The following DPH6 variants were observed in gnomAD, a reference collection of about 807,000 sequenced individuals.
DPH6 encodes the protein diphthine--ammonia ligase.
A neutral mutation model predicts 38.2 loss-of-function variants in DPH6; 33 were observed. The observed-to-expected ratio is 0.86, with a 90% CI of 0.65 to 1.15. The LOEUF is 1.15. Ranked by LOEUF, DPH6 falls within the 50% of genes most tolerant of loss-of-function variation. The pLI, the probability that DPH6 is intolerant of heterozygous loss-of-function variation, is 0.00. For missense variants in DPH6, 325 were observed against 320.0 expected (o/e 1.02, Z -0.12); for synonymous variants, 108 against 103.0 (o/e 1.05, Z -0.30).
At chr15:35,344,819 G>C (rs759899539) in intron 3 of DPH6, among the ~76,000 whole-genome samples, 14 of 151,670 alleles carry the variant, frequency 9.2e-5, no homozygotes, top group Non-Finnish European at 1.3e-4. Flanking sequence ...GCAAATACTA[G>C]TTCTTATCTT....
rs150354625 is a variant in DPH6 at position 35,356,850 on chromosome 15, T to C, written n.207+16671A>G. 3.5e-3 allele frequency among the ~76,000 whole-genome samples: 534 copies of C among 152,278 alleles called. 3 individuals are homozygous for C. The highest frequency in any genetic ancestry group is 0.012 in the African/African-American group (494 of 41,564). On this transcript the variant is annotated intron_variant and non_coding_transcript_variant, in intron 3 of 3. Transcript: ENST00000558973. ...TTTAAAACTGCAGAGGTTTCTGCTGTCTTTTGTTTGGCTATGCCCTGCCCC... is the reference window on the plus strand; with the variant it reads ...TTTAAAACTGCAGAGGTTTCTGCTGCCTTTTGTTTGGCTATGCCCTGCCCC...
intron 3 of DPH6, among the ~76,000 whole-genome samples, chr15:35,231,247 G>T (rs75687131): frequency 0.011 from 1,711 of 152,352 alleles, 35 homozygotes; most frequent in African/African-American, 0.04. Context: ...CCTTGGGTGG[G>T]TGTCAACTGA....
intron 3 of DPH6, among the ~76,000 whole-genome samples, chr15:35,475,830 A>C (rs1265182897): frequency 6.6e-6 from 1 of 151,810 alleles, no homozygotes; most frequent in Non-Finnish European, 1.5e-5. Context: ...GTAAATATAA[A>C]CAAAAAATTA....
intron 3 of DPH6, among the ~76,000 whole-genome samples, chr15:35,232,731 G>A (rs1435120266): frequency 6.6e-6 from 1 of 152,168 alleles, no homozygotes; most frequent in Non-Finnish European, 1.5e-5. Context: ...AAATAAAAAA[G>A]ATTGATAGGT....
chr15:35,436,902 G>C (rs1468968382), intron 5 of DPH6, among the ~76,000 whole-genome samples: 1 of 151,380 alleles, frequency 6.6e-6, no homozygotes, highest in Non-Finnish European at 1.5e-5. Context: ...CTTCTCCTTA[G>C]CATTTGGCTT....
At chr15:35,157,930 A>G in the DPH6 span, among the ~76,000 whole-genome samples, 21 of 152,098 alleles carry the variant, frequency 1.4e-4, no homozygotes, top group Non-Finnish European at 1.9e-4. Context: ...GAAGGATTCT[A>G]AAACAACCCA....
chr15:35,168,321 A>T, the DPH6 span, among the ~76,000 whole-genome samples: 1 of 151,986 alleles, frequency 6.6e-6, no homozygotes, highest in Non-Finnish European at 1.5e-5. Context: ...TTGAAAAGAG[A>T]AGAGAATATC....
At position 35,451,923 on chromosome 15, in the gene DPH6, T is replaced by C. The variant is rs547240410; in HGVS notation, c.387-1120A>G. Among the ~76,000 whole-genome samples, 89 of 152,248 alleles carry C rather than the reference T, an allele frequency of 5.8e-4. No individual in the cohort carries two copies. In the South Asian group the frequency reaches 0.017, roughly 30 times the overall value. On this transcript the variant is annotated intron_variant, in intron 4 of 8. Transcript: ENST00000256538. The stretch of plus-strand genomic sequence containing the variant: ...TACTCGGGAGGCTGAGGCAGGAGAA[T>C]GGCGTGAACCTGGGAGGCGGAGCTT...
intron 3 of DPH6, among the ~76,000 whole-genome samples, chr15:35,292,711 C>T (rs145151311): frequency 2.3e-3 from 349 of 152,092 alleles, no homozygotes; most frequent in African/African-American, 8.2e-3. Flanking sequence ...ACAGAAAATG[C>T]ATATTTTTAA....
At chr15:35,165,107 T>G in the DPH6 span, among the ~76,000 whole-genome samples, 1 of 151,902 alleles carries the variant, frequency 6.6e-6, no homozygotes, top group Admixed American at 6.6e-5. Context: ...TTCTTCTAGA[T>G]TAATATTTAG....
At chr15:35,497,029 T>C (rs928046885) in intron 3 of DPH6, among the ~76,000 whole-genome samples, 2 of 152,188 alleles carry the variant, frequency 1.3e-5, no homozygotes, top group African/African-American at 2.4e-5. Context: ...TCAGTTTAAA[T>C]TCATTGTCAT....
intron 3 of DPH6, among the ~76,000 whole-genome samples, chr15:35,266,700 T>G (rs764353269): frequency 6.6e-6 from 1 of 152,188 alleles, no homozygotes. Flanking sequence ...ATTTTAACAG[T>G]ACCACATAGA....
chr15:35,401,273 A>G, intron 6 of DPH6: 1 of 922,272 alleles, frequency 1.1e-6, no homozygotes, highest in Non-Finnish European at 1.8e-6. Flanking sequence ...GGTTGTGGAG[A>G]CAGTTTCGGT....
At chr15:35,404,358 G>A (rs888911340) in intron 6 of DPH6, among the ~76,000 whole-genome samples, 1 of 152,072 alleles carries the variant, frequency 6.6e-6, no homozygotes, top group East Asian at 1.9e-4. Context: ...GCATATGAGG[G>A]TTCCCTTTTC....
At chr15:35,402,922 TATATC>T (rs1207765284) in intron 6 of DPH6, among the ~76,000 whole-genome samples, 11 of 152,084 alleles carry the variant, frequency 7.2e-5, no homozygotes, top group African/African-American at 1.7e-4. Context: ...TCATTATGCA[TATATC>T]ATAAGTAAAT....
intron 2 of DPH6, among the ~76,000 whole-genome samples, chr15:35,541,634 C>T (rs1811130136): frequency 6.6e-6 from 1 of 152,072 alleles, no homozygotes; most frequent in Non-Finnish European, 1.5e-5. Context: ...ATAAAAAGAT[C>T]TTACTAGAAA....
intron 3 of DPH6, among the ~76,000 whole-genome samples, chr15:35,508,771 A>C (rs1041854668): frequency 6.6e-6 from 1 of 152,178 alleles, no homozygotes; most frequent in African/African-American, 2.4e-5. Context: ...ATACCTTATG[A>C]CTAGAAAAGA....
chr15:35,209,722 G>A, the DPH6 span, among the ~76,000 whole-genome samples: 3 of 152,140 alleles, frequency 2.0e-5, no homozygotes, highest in Non-Finnish European at 2.9e-5. Context: ...AATTAGTGAT[G>A]ACTATAAGTT....
intron 6 of DPH6, among the ~76,000 whole-genome samples, chr15:35,407,603 C>A (rs1271690176): frequency 6.6e-6 from 1 of 151,856 alleles, no homozygotes; most frequent in East Asian, 1.9e-4. Flanking sequence ...TCTGCTTTAG[C>A]TAGGGTAGTC....
Sources: gnomAD v4.1 joint callset for allele counts (sites outside exome capture counted in the v4.1 genomes callset) on GRCh38, gnomAD v4.1.1 for gene constraint, MANE v1.5 for transcripts, NCBI Gene and HGNC (gene_info 2026-07-23, HGNC 2026-07-21) for gene names.